Variants in SCYL2 observed in about 807,000 individuals in gnomAD.
SCYL2 encodes SCY1-like protein 2.
In SCYL2, 36 loss-of-function variants were observed where a neutral mutation model predicts 100.4. That is an observed-to-expected ratio of 0.36 (90% CI 0.27 to 0.47). The LOEUF is 0.47. Among genes scored for constraint, SCYL2 ranks in the 20% least tolerant of loss-of-function variants. SCYL2 has a pLI of 1.00. For synonymous variants in SCYL2, 330 were observed against 359.2 expected (o/e 0.92, Z 0.92); for missense variants, 902 against 1,083.9 (o/e 0.83, Z 2.36).
Position 100,312,433 on chromosome 12 carries a change from C to G in SCYL2, c.632C>G (p.Pro211Arg). ...ATGTAATTCCTTTTCTTACTACAGCCTAAATTTCCTTGTAAAGAATGGGAC... is the reference window on the plus strand; with the variant it reads ...ATGTAATTCCTTTTCTTACTACAGCGTAAATTTCCTTGTAAAGAATGGGAC... ...VSSTNPSEQE[P>R]KFPCKEWDPN... The change falls in exon 6 of 18, where the codon CCT (proline) becomes CGT (arginine). Residue 211 changes from proline (P) to arginine (R), a missense_variant and splice_region_variant. Pro to Arg is a moderately radical substitution (Grantham distance 103). Transcript: ENST00000360820. 1 of 1,607,828 alleles carries G rather than the reference C, an allele frequency of 6.2e-7. No individual in the cohort carries two copies. Among genetic ancestry groups the G allele is most frequent in the Admixed American group, 1.7e-5 (1 of 59,988 alleles).
At position 100,313,434 on chromosome 12, in the gene SCYL2, G is replaced by C; in HGVS notation, c.865G>C (p.Gly289Arg). Residue 289 changes from glycine to arginine, a missense_variant, in exon 7 of 18, where the codon GGA becomes CGA. Transcript: ENST00000360820. ...CTCTTTTGAATAGTTGAGTCGTTTA[G>C]GATCTAGTTCACTTACAAATATACC... ...SRQLDQLSRL[G>R]SSSLTNIPEE... is the part of the protein sequence containing the mutation. The C allele has an allele frequency of 1.3e-6, 2 of 1,490,784 alleles. No individual in the cohort carries two copies. Among genetic ancestry groups the C allele is most frequent in the South Asian group, 2.3e-5 (2 of 87,488 alleles). The allele number at this position is 1,490,784 out of a possible 1,614,324, so 92.3% of individuals were successfully genotyped here.
chr12:100,294,405 G>A (rs1269274709), intron 3 of SCYL2, among the ~76,000 whole-genome samples: 65 of 96,172 alleles, frequency 6.8e-4, no homozygotes, highest in African/African-American at 1.3e-3. Context: ...CCTCCCTCCC[G>A]GACGGGGCGG....
Position 100,317,996 on chromosome 12 carries a change from C to T in SCYL2, c.1395+71C>T, listed in dbSNP as rs1777886349. 5 of 1,409,696 alleles carry T rather than the reference C, an allele frequency of 3.5e-6. No individual in the cohort carries two copies. In the African/African-American group the frequency reaches 7.2e-5, roughly 20 times the overall value. The allele number at this position is 1,409,696 out of a possible 1,614,324, so 87.3% of individuals were successfully genotyped here. On this transcript the variant is annotated intron_variant, in intron 10 of 17. Coordinates refer to ENST00000360820, the MANE Select transcript of SCYL2 (RefSeq NM_017988.6). ...AAAGCAGAAGAAGAGGTATAAAGTACATTTTGGATTTAAGTCATAAAATAC... is the reference window on the plus strand; with the variant it reads ...AAAGCAGAAGAAGAGGTATAAAGTATATTTTGGATTTAAGTCATAAAATAC...
In SCYL2 at chr12:100,340,957, T is replaced by A. The variant is rs1276196190; in HGVS notation, c.*1785T>A. On this transcript the variant is annotated 3_prime_UTR_variant, in exon 18 of 18. Transcript: ENST00000360820. ...TGAAGAATTTTTCTTTGTAACAATT[T>A]AGTAGTCACTGTTTATTGAGAAATT... The A allele has an allele frequency of 6.6e-6, 1 of 152,154 alleles. No individual in the cohort carries two copies. The highest frequency in any genetic ancestry group is 1.5e-5 in the Non-Finnish European group (1 of 67,954). The allele number at this position is 152,154 out of a possible 1,614,324, so 9.4% of individuals were successfully genotyped here.
At chr12:100,319,072 A>T (rs1566365427) in intron 10 of SCYL2, among the ~76,000 whole-genome samples, 2 of 152,322 alleles carry the variant, frequency 1.3e-5, no homozygotes, top group Non-Finnish European at 2.9e-5. Flanking sequence ...ATAAAATAGG[A>T]TTTTTTTAAG....
At chr12:100,273,685 C>A (rs2096289799) in intron 1 of SCYL2, among the ~76,000 whole-genome samples, 1 of 152,150 alleles carries the variant, frequency 6.6e-6, no homozygotes, top group Non-Finnish European at 1.5e-5. Flanking sequence ...AGTCTTCCTC[C>A]CTTACATATC....
chr12:100,276,172 T>A (rs1036179292), intron 1 of SCYL2, among the ~76,000 whole-genome samples: 12 of 152,220 alleles, frequency 7.9e-5, no homozygotes, highest in Admixed American at 7.2e-4. Context: ...GAAAGTATCC[T>A]CCCCTCTTCT....
intron 11 of SCYL2, among the ~76,000 whole-genome samples, chr12:100,325,018 C>G (rs1011521047): frequency 6.6e-6 from 1 of 152,054 alleles, no homozygotes; most frequent in African/African-American, 2.4e-5. Context: ...ATCTCGAGCA[C>G]TGAGTTCAAG....
chr12:100,338,759 A>G lies in SCYL2; in HGVS notation c.2377A>G (p.Asn793Asp). 6.2e-7 allele frequency: 1 copy of G among 1,614,130 alleles called. No homozygotes were observed. Among genetic ancestry groups the G allele is most frequent in the East Asian group, 2.2e-5 (1 of 44,878 alleles). ...CAACATGCCCGTTAATACAAACCAG[A>G]ACTTCTACAGTAGTCCAAGCACAGT... ...GFNMPVNTNQNFYSSPSTVGV... is the reference protein window; with the variant it reads ...GFNMPVNTNQDFYSSPSTVGV... Residue 793 changes from asparagine (N) to aspartate (D), a missense_variant, in exon 18 of 18, where the codon AAC becomes GAC. By Grantham distance (23) the Asn-to-Asp change is conservative. Transcript: ENST00000360820.
At chr12:100,323,367 A>T (rs573832102) in intron 10 of SCYL2, among the ~76,000 whole-genome samples, 158 bp from the exon 11 acceptor site, 1 of 152,342 alleles carries the variant, frequency 6.6e-6, no homozygotes, top group Admixed American at 6.5e-5. Flanking sequence ...GATTATAACC[A>T]TTCATTTTTC....
intron 13 of SCYL2, among the ~76,000 whole-genome samples, chr12:100,330,402 C>T (rs2135933332): frequency 6.6e-6 from 1 of 152,262 alleles, no homozygotes; most frequent in Non-Finnish European, 1.5e-5. Context: ...ACTGATTCTT[C>T]CTGAAGATTA....
chr12:100,273,251 T>C (rs1279834343), intron 1 of SCYL2, among the ~76,000 whole-genome samples: 4 of 152,176 alleles, frequency 2.6e-5, no homozygotes, highest in Non-Finnish European at 5.9e-5. Flanking sequence ...TGGTTTTTGC[T>C]TTGTGATTTT....
At chr12:100,296,657 A>AT (rs1292806723) in intron 3 of SCYL2, 1 of 152,168 alleles carries the variant, frequency 6.6e-6, no homozygotes, top group Admixed American at 6.6e-5. Context: ...ACATTCAGTA[A>AT]TTTTAGTAGG....
chr12:100,290,125 G>T (rs1310594910), intron 2 of SCYL2, among the ~76,000 whole-genome samples: 1 of 152,134 alleles, frequency 6.6e-6, no homozygotes, highest in Non-Finnish European at 1.5e-5. Context: ...TTATTCTTCA[G>T]TGGTCCTTTG....
At chr12:100,317,002 G>A (rs2135909723) in intron 9 of SCYL2, among the ~76,000 whole-genome samples, 1 of 152,138 alleles carries the variant, frequency 6.6e-6, no homozygotes, top group African/African-American at 2.4e-5. Context: ...GGCTGAGGTG[G>A]GAGGATCACC....
intron 2 of SCYL2, among the ~76,000 whole-genome samples, chr12:100,290,212 A>T (rs1295466425): frequency 6.6e-6 from 1 of 152,034 alleles, no homozygotes; most frequent in Non-Finnish European, 1.5e-5. Flanking sequence ...AGTTGAAGGG[A>T]AATTGACTCA....
intron 1 of SCYL2, among the ~76,000 whole-genome samples, chr12:100,274,412 T>C (rs2096290569): frequency 6.6e-6 from 1 of 152,226 alleles, no homozygotes; most frequent in South Asian, 2.1e-4. Context: ...AGTTTATCAA[T>C]TGAAATAAAT....
chr12:100,297,841 T>G (rs547506984), intron 3 of SCYL2, among the ~76,000 whole-genome samples, 190 bp from the exon 4 acceptor site: 2 of 152,202 alleles, frequency 1.3e-5, no homozygotes, highest in Non-Finnish European at 2.9e-5. Flanking sequence ...GTGATTTATC[T>G]AGTATAATTT....
intron 4 of SCYL2, among the ~76,000 whole-genome samples, chr12:100,306,169 C>T (rs2096334115): frequency 6.6e-6 from 1 of 152,140 alleles, no homozygotes; most frequent in Admixed American, 6.5e-5. Flanking sequence ...CACCATCATC[C>T]TGATACCAAA....
Sources: allele counts gnomAD v4.1 joint callset (sites outside exome capture counted in the v4.1 genomes callset), GRCh38; gene constraint gnomAD v4.1.1; transcripts MANE v1.5; gene names NCBI Gene and HGNC (gene_info 2026-07-23, HGNC 2026-07-21).